Variants in NCOR2 observed in about 807,000 individuals in gnomAD.
NCOR2 encodes CTG repeat protein 26.
In NCOR2, 81 loss-of-function variants were observed where a neutral mutation model predicts 262.9. The observed-to-expected ratio is 0.31, with a 90% CI of 0.26 to 0.37. The LOEUF (loss-of-function observed/expected upper bound fraction) is 0.37, where lower values mean the gene tolerates loss of function less well. Among genes scored for constraint, NCOR2 ranks in the 10% least tolerant of loss-of-function variants. NCOR2 has a pLI of 1.00. For synonymous variants in NCOR2, 1,659 were observed against 1,559.3 expected, an observed-to-expected ratio of 1.06 and a Z score of -1.51; for missense variants, 3,385 against 3,621.4, an observed-to-expected ratio of 0.93 and a Z score of 1.68.
chr12:124,382,511 C>G (rs1225371268), intron 17 of NCOR2, among the ~76,000 whole-genome samples: 1 of 152,176 alleles, frequency 6.6e-6, no homozygotes, highest in Non-Finnish European at 1.5e-5. Flanking sequence ...GGGCCACCTT[C>G]TTTATCAGCT....
At chr12:124,426,739 T>C (rs1436997428) in exon 11 of NCOR2, 4 of 1,610,352 alleles carry the variant, frequency 2.5e-6, no homozygotes, top group Non-Finnish European at 3.4e-6. Context: ...GATGCGCTGC[T>C]GGTCAGCGTC....
chr12:124,419,096 C>T (rs1454973238), intron 13 of NCOR2, among the ~76,000 whole-genome samples: 13 of 152,150 alleles, frequency 8.5e-5, no homozygotes, highest in Admixed American at 7.9e-4. Flanking sequence ...AGCCCGGATG[C>T]AAAACAAATT....
intron 13 of NCOR2, among the ~76,000 whole-genome samples, chr12:124,408,386 G>C (rs1287013617): frequency 6.6e-6 from 1 of 151,810 alleles, no homozygotes; most frequent in Non-Finnish European, 1.5e-5. Context: ...ATATACCAAG[G>C]CGTGCTGGAG....
chr12:124,428,586 C>A (rs1254270434), intron 10 of NCOR2, among the ~76,000 whole-genome samples: 2 of 152,172 alleles, frequency 1.3e-5, no homozygotes, highest in Non-Finnish European at 1.5e-5. Context: ...CGCAGGGCAG[C>A]GCGTTCTGTT....
intron 6 of NCOR2, among the ~76,000 whole-genome samples, chr12:124,450,138 C>G (rs2045429643): frequency 6.6e-6 from 1 of 152,220 alleles, no homozygotes; most frequent in Non-Finnish European, 1.5e-5. Flanking sequence ...CAGTGCTGGC[C>G]TGGAAGGGGC....
intron 22 of NCOR2, among the ~76,000 whole-genome samples, chr12:124,359,412 A>G (rs1244070): frequency 0.95 from 144,471 of 152,318 alleles, 69,010 homozygotes; most frequent in East Asian, 1. Flanking sequence ...GGTGGGCAAG[A>G]AGGCCTATGT....
At chr12:124,347,606 G>A in intron 30 of NCOR2, 1 of 570,516 alleles carries the variant, frequency 1.8e-6, no homozygotes, top group South Asian at 2.2e-5. Context: ...AAAAGCACAG[G>A]GGTGATCGGT....
rs969905396 is a variant in NCOR2 at position 124,440,785 on chromosome 12, C to T, written c.816-2789G>A. Among the ~76,000 whole-genome samples, 2 of 152,098 alleles carry T rather than the reference C, an allele frequency of 1.3e-5. No homozygotes were observed. Among genetic ancestry groups the T allele is most frequent in the Non-Finnish European group, 2.9e-5 (2 of 68,024 alleles). On this transcript the variant is annotated intron_variant, in intron 7 of 46. Coordinates refer to ENST00000405201, the Ensembl canonical transcript of NCOR2. The surrounding 1 kb of genome is among the most constrained non-coding windows in gnomAD (Gnocchi z 5.7). ...GGGTGTGAGGGGCTATTTTAGATTC[C>T]GTGGTGCAGAAAGATCTCCCAGAGA...
intron 46 of NCOR2, among the ~76,000 whole-genome samples, 164 bp from the exon 49 acceptor site, chr12:124,325,747 C>T (rs1051512013): frequency 1.3e-5 from 2 of 152,202 alleles, no homozygotes; most frequent in African/African-American, 4.8e-5. Flanking sequence ...TGCCTCTCTT[C>T]ACCTGTTCTA....
At chr12:124,453,448 T>C (rs1293133229) in intron 6 of NCOR2, among the ~76,000 whole-genome samples, 1 of 151,990 alleles carries the variant, frequency 6.6e-6, no homozygotes, top group Non-Finnish European at 1.5e-5. Flanking sequence ...TCCTCTAAAA[T>C]CAGAGGCACA....
intron 18 of NCOR2, among the ~76,000 whole-genome samples, chr12:124,376,456 G>A (rs762824371): frequency 6.6e-6 from 1 of 152,216 alleles, no homozygotes; most frequent in East Asian, 1.9e-4. Flanking sequence ...TTCTGCTCCC[G>A]GGGTCTTCTC....
chr12:124,334,321 C>T (rs1207327043), intron 41 of NCOR2, 103 bp downstream of exon 43: 7 of 785,622 alleles, frequency 8.9e-6, no homozygotes, highest in East Asian at 6.4e-5. Context: ...TGGCACCAGG[C>T]GGGCCTCATA....
intron 7 of NCOR2, among the ~76,000 whole-genome samples, chr12:124,439,518 G>A (rs1223184797): frequency 6.7e-6 from 1 of 148,696 alleles, no homozygotes; most frequent in Non-Finnish European, 1.5e-5. Context: ...CAGAGAGAGA[G>A]AGACGGAGAC....
At chr12:124,417,177 G>A (rs375550792) in intron 13 of NCOR2, among the ~76,000 whole-genome samples, 1 of 149,032 alleles carries the variant, frequency 6.7e-6, no homozygotes, top group Non-Finnish European at 1.5e-5. Context: ...CTCACTCCAC[G>A]CAGAGCAGGC....
chr12:124,403,893 A>C (rs1446825463), intron 13 of NCOR2, among the ~76,000 whole-genome samples: 3 of 152,184 alleles, frequency 2.0e-5, no homozygotes, highest in Admixed American at 2.0e-4. Context: ...TCGGGCCTGC[A>C]TCTGCCTCTT....
At chr12:124,325,388 CG>C in exon 47 of NCOR2, 5 of 693,388 alleles carry the variant, frequency 7.2e-6, no homozygotes, top group Non-Finnish European at 1.0e-5. Flanking sequence ...CCCCCCCCCC[CG>C]CCCTGTTCTG....
chr12:124,346,495 A>G (rs1431217737), intron 31 of NCOR2, 69 bp downstream of exon 33: 1 of 1,411,100 alleles, frequency 7.1e-7, no homozygotes, highest in Non-Finnish European at 9.3e-7. Flanking sequence ...GGAGAGGCCC[A>G]GGGCAGTGCC....
chr12:124,402,213 G>C (rs548781346), intron 14 of NCOR2, among the ~76,000 whole-genome samples, 191 bp downstream of exon 16: 2 of 152,106 alleles, frequency 1.3e-5, no homozygotes, highest in Non-Finnish European at 2.9e-5. Flanking sequence ...GGGAGCCAGG[G>C]AGGAGGAGTA....
At position 124,428,044 on chromosome 12, in the gene NCOR2, AGTGTGTGTGT is replaced by A. The variant is rs55965573; in HGVS notation, c.1150-1254_1150-1245del. Among the ~76,000 whole-genome samples, 475 of 112,484 alleles carry A rather than the reference AGTGTGTGTGT, an allele frequency of 4.2e-3. 4 individuals carry two copies. Among genetic ancestry groups the A allele is most frequent in the East Asian group, 0.014 (48 of 3,360 alleles). 73.8% of individuals were successfully genotyped at this position (112,484 alleles called of 152,430 possible). A position where few individuals can be genotyped will look rare whatever the true frequency, so the allele number is the denominator to read the frequency against. The stretch of plus-strand genomic sequence containing the variant: ...CTGATGACTGCATTCCCATGTGGCC[AGTGTGTGTGT>A]GTGTGTGTGTGTGTGTGTGTGTGTG... On this transcript the variant is annotated intron_variant, in intron 10 of 46. Coordinates refer to ENST00000405201, the Ensembl canonical transcript of NCOR2.
Sources: gnomAD v4.1 joint callset for allele counts (sites outside exome capture counted in the v4.1 genomes callset) on GRCh38, gnomAD v4.1.1 for gene constraint, Gnocchi (gnomAD v3.1) non-coding constraint, MANE v1.5 for transcripts, NCBI Gene and HGNC (gene_info 2026-07-23, HGNC 2026-07-21) for gene names.